KSR2: variants seen among roughly 807,000 people sequenced by gnomAD.
KSR2 encodes kinase suppressor of ras 2.
In KSR2, 25 loss-of-function variants were observed where a neutral mutation model predicts 107.8. The ratio of observed to expected loss-of-function variants is 0.23; its 90% CI spans 0.17 to 0.32. The LOEUF (loss-of-function observed/expected upper bound fraction) is 0.32, where lower values mean the gene tolerates loss of function less well. Among genes scored for constraint, KSR2 ranks in the 10% least tolerant of loss-of-function variants. KSR2 has a pLI of 1.00. For synonymous variants in KSR2, 480 were observed against 507.0 expected (o/e 0.95, Z 0.71); for missense variants, 887 against 1,268.9 (o/e 0.70, Z 4.57).
chr12:117,843,344 C>G (rs1173654325), intron 3 of KSR2, among the ~76,000 whole-genome samples: 1 of 152,202 alleles, frequency 6.6e-6, no homozygotes, highest in Non-Finnish European at 1.5e-5. Flanking sequence ...TACTAAGAAG[C>G]TGCCAGCAAT....
chr12:117,933,613 A>G (rs1256658332), intron 1 of KSR2, among the ~76,000 whole-genome samples: 2 of 152,060 alleles, frequency 1.3e-5, no homozygotes, highest in African/African-American at 4.8e-5. Context: ...TAAAGTATGC[A>G]TTGTTTATCT....
At chr12:117,664,036 C>T (rs1018900099) in intron 5 of KSR2, among the ~76,000 whole-genome samples, 1 of 152,176 alleles carries the variant, frequency 6.6e-6, no homozygotes, top group African/African-American at 2.4e-5. Context: ...TGAACAGAAG[C>T]GTCTGACGTC....
chr12:117,743,555 T>C (rs530330888), intron 4 of KSR2, among the ~76,000 whole-genome samples: 2 of 152,372 alleles, frequency 1.3e-5, no homozygotes, highest in South Asian at 4.1e-4. Context: ...CCCACATGTA[T>C]ACACTCAGTG....
intron 4 of KSR2, among the ~76,000 whole-genome samples, chr12:117,705,607 G>A (rs1164468804): frequency 6.6e-6 from 1 of 152,212 alleles, no homozygotes; most frequent in Non-Finnish European, 1.5e-5. Flanking sequence ...GCCTTGCACT[G>A]CCTGGTGACA....
chr12:117,878,300 T>C (rs868295094), intron 1 of KSR2, among the ~76,000 whole-genome samples: 2 of 151,824 alleles, frequency 1.3e-5, no homozygotes, highest in African/African-American at 2.4e-5. Context: ...TCCGCCTAAA[T>C]TCCCTCCCAC....
intron 5 of KSR2, among the ~76,000 whole-genome samples, chr12:117,612,793 T>C (rs1434013046): frequency 2.0e-5 from 3 of 152,176 alleles, no homozygotes; most frequent in Non-Finnish European, 2.9e-5. Flanking sequence ...GAGAAACATG[T>C]AGGGAGGCAA....
rs66919524 is a variant in KSR2, at chr12:117,578,601, C to CAA, written c.1325+516_1325+517dup. Among the ~76,000 whole-genome samples, 676 of 101,996 alleles carry CAA rather than the reference C, an allele frequency of 6.6e-3. 4 individuals are homozygous for CAA. Among genetic ancestry groups the CAA allele is most frequent in the African/African-American group, 8.8e-3 (298 of 33,712 alleles). 66.9% of individuals were successfully genotyped at this position (101,996 alleles called of 152,430 possible). On this transcript the variant is annotated intron_variant, in intron 7 of 19. Coordinates refer to ENST00000339824, the MANE Select transcript of KSR2 (RefSeq NM_173598.6). ...TGGGTGACAGAGCAAGACTCCATCT[C>CAA]AAAAAAAAAAAAAAAAAAAAAAAGA...
intron 4 of KSR2, among the ~76,000 whole-genome samples, chr12:117,671,527 G>A (rs2136499624): frequency 6.6e-6 from 1 of 152,300 alleles, no homozygotes; most frequent in Admixed American, 6.5e-5. Flanking sequence ...CTCATTAAAT[G>A]CTTACCAAAT....
intron 5 of KSR2, among the ~76,000 whole-genome samples, chr12:117,649,437 A>G (rs1883793372): frequency 6.6e-6 from 1 of 152,244 alleles, no homozygotes; most frequent in African/African-American, 2.4e-5. Flanking sequence ...ACCTAAATCC[A>G]AACACCATAC....
rs61398860 is a variant in KSR2 at position 117,852,198 on chromosome 12, G to A, written c.472+3230C>T. Among the ~76,000 whole-genome samples, 83 of 152,056 alleles carry A rather than the reference G, an allele frequency of 5.5e-4. No individual in the cohort carries two copies. In the East Asian group the frequency reaches 0.013, roughly 24 times the overall value. ...AGCACTCTGGGAGGCCAAGGCAGGC[G>A]GATTGCCTGAGCTCAGGAGGTCAAG... is the stretch of plus-strand genomic sequence containing the variant. On this transcript the variant is annotated intron_variant, in intron 3 of 19. Transcript: ENST00000339824.
chr12:117,722,947 G>A (rs1470753418), intron 4 of KSR2, among the ~76,000 whole-genome samples: 17 of 152,160 alleles, frequency 1.1e-4, no homozygotes, highest in East Asian at 1.9e-4. Context: ...GAAGTATCCC[G>A]TATTCCCATG....
intron 1 of KSR2, among the ~76,000 whole-genome samples, chr12:117,947,867 A>G (rs1177575696): frequency 1.3e-5 from 2 of 152,178 alleles, no homozygotes; most frequent in East Asian, 1.9e-4. Flanking sequence ...TAAAAAAAGA[A>G]AAGAAGACTT....
At chr12:117,681,824 T>G (rs1472643494) in intron 4 of KSR2, among the ~76,000 whole-genome samples, 1 of 152,160 alleles carries the variant, frequency 6.6e-6, no homozygotes, top group Non-Finnish European at 1.5e-5. Flanking sequence ...CTGGCAGGAA[T>G]GCAAATTAAT....
At chr12:117,874,278 G>A (rs1315070252) in intron 1 of KSR2, among the ~76,000 whole-genome samples, 1 of 152,126 alleles carries the variant, frequency 6.6e-6, no homozygotes, top group Admixed American at 6.6e-5. Context: ...TGTTGTCCAG[G>A]CTGGAGTGCA....
rs139326864 is a variant in KSR2, at chr12:117,782,175, A to G, written c.473-20651T>C. ...AGAAGCCTTGGTCAGCTTCTGGCCA[A>G]TAGTATCTGGACCAGAACTCCCCTC... On this transcript the variant is annotated intron_variant, in intron 3 of 19. Transcript: ENST00000339824. Among the ~76,000 whole-genome samples the G allele has an allele frequency of 2.9e-4, 44 of 152,322 alleles. 2 individuals are homozygous for G. In the East Asian group the frequency reaches 8.5e-3, roughly 29 times the overall value.
chr12:117,889,698 T>C (rs1270294305), intron 1 of KSR2: 1 of 152,212 alleles, frequency 6.6e-6, no homozygotes, highest in East Asian at 1.9e-4. Context: ...GCTTGCCAAA[T>C]GTCAGGAACT....
intron 4 of KSR2, among the ~76,000 whole-genome samples, chr12:117,678,051 C>CAGCCT (rs1164997485): frequency 6.6e-6 from 1 of 151,982 alleles, no homozygotes; most frequent in Non-Finnish European, 1.5e-5. Context: ...TCTTCTGCCT[C>CAGCCT]AGCCTCCCAA....
intron 7 of KSR2, among the ~76,000 whole-genome samples, chr12:117,577,383 G>A (rs1428733835): frequency 6.6e-6 from 1 of 152,026 alleles, no homozygotes; most frequent in Non-Finnish European, 1.5e-5. Flanking sequence ...GAGAGATTGA[G>A]GCCAGATAGC....
At chr12:117,901,133 C>T (rs892523312) in intron 1 of KSR2, among the ~76,000 whole-genome samples, 6 of 151,780 alleles carry the variant, frequency 4.0e-5, no homozygotes, top group African/African-American at 9.7e-5. Flanking sequence ...GAACCAGGGC[C>T]GGGTGACACA....
Sources: gnomAD v4.1 joint callset for allele counts (sites outside exome capture counted in the v4.1 genomes callset) on GRCh38, gnomAD v4.1.1 for gene constraint, MANE v1.5 for transcripts, NCBI Gene and HGNC (gene_info 2026-07-23, HGNC 2026-07-21) for gene names.